Variants in FAM216A observed in about 807,000 individuals in gnomAD.
FAM216A encodes the protein protein FAM216A.
In FAM216A, 26 loss-of-function variants were observed where a neutral mutation model predicts 37.6. That is an observed-to-expected ratio of 0.69 (90% CI 0.51 to 0.96). FAM216A has a LOEUF of 0.96. Ranked by LOEUF, FAM216A falls within the 40% of genes least tolerant of loss-of-function variation. The pLI, the probability that FAM216A is intolerant of heterozygous loss-of-function variation, is 0.00. For synonymous variants in FAM216A, 110 were observed against 121.7 expected (o/e 0.90, Z 0.64); for missense variants, 326 against 339.3 (o/e 0.96, Z 0.31).
chr12:110,489,972 G>A lies in FAM216A; in HGVS notation c.704-47G>A, dbSNP rs754876502. ...GGTCATTTTGAAAGTTGTACTTAGA[G>A]CTTTATTTCCAAAACAGACAATTGT... On this transcript the variant is annotated intron_variant, in intron 6 of 6. Transcript: ENST00000377673. The A allele has an allele frequency of 4.3e-6, 4 of 921,530 alleles. No homozygotes were observed. The South Asian group carries it at 5.3e-5, about 12-fold the overall frequency. The allele number at this position is 921,530 out of a possible 1,614,324, so 57.1% of individuals were successfully genotyped here. A position where few individuals can be genotyped will look rare whatever the true frequency, so the allele number is the denominator to read the frequency against.
At chr12:110,468,546 C>A, upstream of FAM216A, 1 of 1,537,272 alleles carries the variant, frequency 6.5e-7, no homozygotes, top group Non-Finnish European at 8.7e-7. Flanking sequence ...TGCGTGCAGA[C>A]GTTTGACCTG....
intron 2 of FAM216A, among the ~76,000 whole-genome samples, chr12:110,480,933 C>T (rs2062743774): frequency 6.6e-6 from 1 of 152,106 alleles, no homozygotes; most frequent in South Asian, 2.1e-4. Context: ...CTATATACCT[C>T]CTTTCCCCTG....
At chr12:110,469,198 A>T in intron 1 of FAM216A, 180 bp downstream of exon 1, 1 of 674,510 alleles carries the variant, frequency 1.5e-6, no homozygotes, top group Non-Finnish European at 2.2e-6. Context: ...AGAGGGGAGG[A>T]CTGCCTCGCG....
At chr12:110,469,052 C>T in intron 1 of FAM216A, 34 bp downstream of exon 1, 2 of 1,401,356 alleles carry the variant, frequency 1.4e-6, no homozygotes, top group Non-Finnish European at 9.2e-7. Context: ...AGGGTGGCAG[C>T]ATGGGGCCCC....
chr12:110,486,209 G>A lies in FAM216A; in HGVS notation c.307-116G>A. ...TTGTCAAGTTAACGTAGTTGAATTT[G>A]CTAAAGTAAAATACAGTTGGCACAA... On this transcript the variant is annotated intron_variant, in intron 3 of 6. Transcript: ENST00000377673. The A allele has an allele frequency of 2.7e-6, 3 of 1,113,256 alleles. 1 individual carries two copies. Among genetic ancestry groups the A allele is most frequent in the South Asian group, 4.1e-5 (2 of 48,350 alleles). The allele number at this position is 1,113,256 out of a possible 1,614,324, so 69.0% of individuals were successfully genotyped here. A position where few individuals can be genotyped will look rare whatever the true frequency, so the allele number is the denominator to read the frequency against.
intron 2 of FAM216A, among the ~76,000 whole-genome samples, chr12:110,477,103 G>A: frequency 6.6e-6 from 1 of 152,180 alleles, no homozygotes; most frequent in East Asian, 1.9e-4. Context: ...TGTCCTTCTA[G>A]CAGGAATAGC....
intron 2 of FAM216A, among the ~76,000 whole-genome samples, chr12:110,474,992 C>CA (rs895011742): frequency 2.1e-4 from 30 of 143,376 alleles, no homozygotes; most frequent in African/African-American, 2.8e-4. Context: ...AACTCCATCT[C>CA]AAAAAAAAAA....
chr12:110,490,194 T>A lies in FAM216A; in HGVS notation c.*57T>A. On this transcript the variant is annotated 3_prime_UTR_variant, in exon 7 of 7. Coordinates refer to ENST00000377673, the MANE Select transcript of FAM216A (RefSeq NM_013300.3). Reference sequence around the variant, plus strand: ...AAGGTGAGGGTAAGGGGTTGTGAGTTGTGTCCTGTATGTTTAGGATGGTAT... The same window carrying A: ...AAGGTGAGGGTAAGGGGTTGTGAGTAGTGTCCTGTATGTTTAGGATGGTAT... The A allele has an allele frequency of 1.2e-6, 1 of 858,646 alleles. No individual in the cohort carries two copies. The highest frequency in any genetic ancestry group is 2.0e-6 in the Non-Finnish European group (1 of 494,926). 53.2% of individuals were successfully genotyped at this position (858,646 alleles called of 1,614,324 possible).
chr12:110,469,089 G>A, intron 1 of FAM216A, 71 bp downstream of exon 1: 1 of 1,359,682 alleles, frequency 7.4e-7, no homozygotes, highest in Non-Finnish European at 9.5e-7. Flanking sequence ...CGGGTCGTGA[G>A]CCCCGTGGAG....
intron 6 of FAM216A, among the ~76,000 whole-genome samples, chr12:110,489,359 C>A (rs965011740): frequency 6.6e-6 from 1 of 152,018 alleles, no homozygotes; most frequent in Non-Finnish European, 1.5e-5. Flanking sequence ...ACAAAATCAG[C>A]CGGGCGTGGT....
chr12:110,473,026 T>C, intron 1 of FAM216A, 52 bp from the exon 2 acceptor site: 1 of 810,284 alleles, frequency 1.2e-6, no homozygotes. Flanking sequence ...TGTTCAGTGC[T>C]TGTAACATTG....
At chr12:110,477,716 CT>C (rs997205072) in intron 2 of FAM216A, among the ~76,000 whole-genome samples, 3 of 147,142 alleles carry the variant, frequency 2.0e-5, no homozygotes, top group Non-Finnish European at 4.5e-5. Flanking sequence ...TGTGCTTTTT[CT>C]TTTTTTTTGA....
Position 110,486,735 on chromosome 12 carries a change from A to G in FAM216A, c.620+18A>G. On this transcript the variant is annotated intron_variant, in intron 5 of 6. Transcript: ENST00000377673. ...AAAGAAGGGTCTGTTTCTTAGTGTA[A>G]AAGGGGGGAAATGCATCTCAGTTTA... is the stretch of plus-strand genomic sequence containing the variant. 4.4e-6 allele frequency: 7 copies of G among 1,591,692 alleles called. No individual in the cohort carries two copies. The highest frequency in any genetic ancestry group is 5.1e-6 in the Non-Finnish European group (6 of 1,171,888).
intron 1 of FAM216A, among the ~76,000 whole-genome samples, chr12:110,471,551 T>C (rs1002358500): frequency 2.0e-5 from 3 of 152,182 alleles, no homozygotes; most frequent in African/African-American, 7.2e-5. Flanking sequence ...AACTCCCTCA[T>C]ACCTTATAAA....
rs756202747 is a variant in FAM216A at position 110,486,276 on chromosome 12, A to G, written c.307-49A>G. ...TCTCTTCAGATAAGGAATATTGCCAACTTCTCTAATACAATGCAGACTATA... is the reference window on the plus strand; with the variant it reads ...TCTCTTCAGATAAGGAATATTGCCAGCTTCTCTAATACAATGCAGACTATA... On this transcript the variant is annotated intron_variant, in intron 3 of 6. Coordinates refer to ENST00000377673, the MANE Select transcript of FAM216A (RefSeq NM_013300.3). 6.0e-6 allele frequency: 9 copies of G among 1,511,944 alleles called. No homozygotes were observed. In the Admixed American group the frequency reaches 1.3e-4, roughly 22 times the overall value. The allele number at this position is 1,511,944 out of a possible 1,614,324, so 93.7% of individuals were successfully genotyped here.
intron 1 of FAM216A, among the ~76,000 whole-genome samples, chr12:110,469,886 A>C (rs1222396047): frequency 6.6e-6 from 1 of 151,950 alleles, no homozygotes; most frequent in Non-Finnish European, 1.5e-5. Context: ...TTTTCTTCAC[A>C]CTGAAGTTCC....
chr12:110,469,874 C>T (rs2062672032), intron 1 of FAM216A, among the ~76,000 whole-genome samples: 2 of 152,112 alleles, frequency 1.3e-5, no homozygotes, highest in African/African-American at 4.8e-5. Context: ...TTGATCTTGA[C>T]ATTTTCTTCA....
chr12:110,487,997 A>G lies in FAM216A; in HGVS notation c.703+54A>G, dbSNP rs535709356. ...TTTTTAAGATCTTATGCTTAAAAAT[A>G]CTATACCAAATACAATTTCATTTCT... is the stretch of plus-strand genomic sequence containing the variant. On this transcript the variant is annotated intron_variant, in intron 6 of 6. Coordinates refer to ENST00000377673, the MANE Select transcript of FAM216A (RefSeq NM_013300.3). 4.3e-4 allele frequency: 428 copies of G among 984,658 alleles called. 2 individuals carry two copies. Among genetic ancestry groups the G allele is most frequent in the South Asian group, 2.4e-3 (176 of 73,276 alleles). The allele number at this position is 984,658 out of a possible 1,614,324, so 61.0% of individuals were successfully genotyped here. A position where few individuals can be genotyped will look rare whatever the true frequency, so the allele number is the denominator to read the frequency against.
At chr12:110,481,735 C>T (rs2062747950) in intron 2 of FAM216A, among the ~76,000 whole-genome samples, 3 of 151,904 alleles carry the variant, frequency 2.0e-5, no homozygotes, top group African/African-American at 7.3e-5. Flanking sequence ...AGTGTTGGTC[C>T]AAAATATAAT....
Sources: gnomAD v4.1 joint callset for allele counts (sites outside exome capture counted in the v4.1 genomes callset) on GRCh38, gnomAD v4.1.1 for gene constraint, MANE v1.5 for transcripts, NCBI Gene and HGNC (gene_info 2026-07-23, HGNC 2026-07-21) for gene names.